Variants in RNF207 observed in about 807,000 individuals in gnomAD.
The protein encoded by RNF207 is OTTHUMG00000001089.
RNF207 carries 72 observed loss-of-function variants against 79.0 expected under a neutral mutation model. That is an observed-to-expected ratio of 0.91 (90% CI 0.75 to 1.11). The LOEUF is 1.11. RNF207 is among the 50% of genes least tolerant of loss of function. The pLI is 0.00. For missense variants in RNF207, 936 were observed against 855.8 expected (o/e 1.09, Z -1.17); for synonymous variants, 348 against 366.2 (o/e 0.95, Z 0.57).
intron 1 of RNF207, 69 bp from the exon 2 acceptor site, chr1:6,206,467 A>C: frequency 8.1e-7 from 1 of 1,237,536 alleles, no homozygotes; most frequent in South Asian, 1.5e-5. Context: ...GCGCCCGGGC[A>C]GAGGGGCCGC....
rs144139448 is a variant in RNF207 at position 6,214,630 on chromosome 1, C to CTTTTTTTTTTTTTTT, written c.1652+1456_1652+1470dup. 5.9e-4 allele frequency among the ~76,000 whole-genome samples: 42 copies of CTTTTTTTTTTTTTTT among 70,660 alleles called. 4 individuals are homozygous for CTTTTTTTTTTTTTTT. Among genetic ancestry groups the CTTTTTTTTTTTTTTT allele is most frequent in the African/African-American group, 2.3e-3 (33 of 14,650 alleles). The allele number at this position is 70,660 out of a possible 152,430, so 46.4% of individuals were successfully genotyped here. ...GTTGGCCAGGCTGGAATATTTCTTT[C>CTTTTTTTTTTTTTTT]TTTTTTTTTTTTTTTTTTTTTTTGA... is the stretch of plus-strand genomic sequence containing the variant. On this transcript the variant is annotated intron_variant, in intron 16 of 17. Coordinates refer to ENST00000377939, the MANE Select transcript of RNF207 (RefSeq NM_207396.3).
chr1:6,212,081 G>A (rs1381358471), intron 13 of RNF207, 28 bp downstream of exon 13: 2 of 1,578,090 alleles, frequency 1.3e-6, no homozygotes, highest in South Asian at 1.1e-5. Flanking sequence ...TGCCGGAGGG[G>A]GGAGATGTCC....
rs1668539355 is a variant in RNF207 at position 6,221,211 on chromosome 1, A to AG, written c.*1805dup. The AG allele has an allele frequency of 6.6e-6, 1 of 152,648 alleles. No homozygotes were observed. Among genetic ancestry groups the AG allele is most frequent in the African/African-American group, 2.4e-5 (1 of 41,468 alleles). The allele number at this position is 152,648 out of a possible 1,614,324, so 9.5% of individuals were successfully genotyped here. A position where few individuals can be genotyped will look rare whatever the true frequency, so the allele number is the denominator to read the frequency against. Reference sequence around the variant, plus strand: ...ACTGTGGTTGAGTGAAATCAAGTGCAGTTTTATTTAAGAACTGGAAAGAAT... The same window carrying AG: ...ACTGTGGTTGAGTGAAATCAAGTGCAGGTTTTATTTAAGAACTGGAAAGAAT... On this transcript the variant is annotated 3_prime_UTR_variant, in exon 18 of 18. Transcript: ENST00000377939.
At chr1:6,215,838 G>A (rs1221427658) in intron 16 of RNF207, among the ~76,000 whole-genome samples, 1 of 152,170 alleles carries the variant, frequency 6.6e-6, no homozygotes, top group African/African-American at 2.4e-5. Flanking sequence ...AGCTTGTGTA[G>A]GTTTCTATCT....
In RNF207 at chr1:6,209,196, A is replaced by C; in HGVS notation, c.551A>C (p.Lys184Thr). The change falls in exon 5 of 18, where the codon AAG becomes ACG. Residue 184 changes from lysine to threonine, a missense_variant and splice_region_variant. By Grantham distance (78) the Lys-to-Thr change is moderately conservative. Transcript: ENST00000377939. Reference sequence around the variant, plus strand: ...ATCCGCTGCTTCCGCGACATGCAGAAGTGCGTACAGGGGACGCGAGGGGAG... The same window carrying C: ...ATCCGCTGCTTCCGCGACATGCAGACGTGCGTACAGGGGACGCGAGGGGAG... ...LCIRCFRDMQ[K>T]ESRAHCVDLE... The C allele has an allele frequency of 6.4e-7, 1 of 1,553,248 alleles. No homozygotes were observed. Among genetic ancestry groups the C allele is most frequent in the South Asian group, 1.2e-5 (1 of 84,470 alleles).
intron 16 of RNF207, among the ~76,000 whole-genome samples, chr1:6,216,486 C>T (rs1457853996): frequency 6.6e-6 from 1 of 152,132 alleles, no homozygotes; most frequent in Non-Finnish European, 1.5e-5. Context: ...TTGCTCCAGT[C>T]GCAGCGAGCC....
chr1:6,212,636 A>G (rs1298475761), intron 14 of RNF207, 46 bp from the exon 15 acceptor site: 3 of 1,557,566 alleles, frequency 1.9e-6, no homozygotes, highest in Admixed American at 3.3e-5. Flanking sequence ...CCGCCACCGT[A>G]AATTCAGCTC....
In RNF207 at chr1:6,209,299, TCGG is replaced by T; in HGVS notation, c.585_587del (p.Ala196del). Reference sequence around the variant, plus strand: ...CCGGGCACACTGCGTGGACCTGGAATCGGCTTACGTGCAGGGCTGCGAGCGGCT... The same window carrying T: ...CCGGGCACACTGCGTGGACCTGGAATCTTACGTGCAGGGCTGCGAGCGGCT... On this transcript the variant is annotated inframe_deletion, in exon 6 of 18. Coordinates refer to ENST00000377939, the MANE Select transcript of RNF207 (RefSeq NM_207396.3). 6.5e-7 allele frequency: 1 copy of T among 1,548,374 alleles called. No individual in the cohort carries two copies. Among genetic ancestry groups the T allele is most frequent in the Non-Finnish European group, 8.7e-7 (1 of 1,146,706 alleles).
rs1169025181 is a variant in RNF207 at position 6,209,402 on chromosome 1, C to T, written c.628-12C>T. 6 of 1,524,190 alleles carry T rather than the reference C, an allele frequency of 3.9e-6. No individual in the cohort carries two copies. In the Admixed American group the frequency reaches 1.0e-4, roughly 26 times the overall value. The allele number at this position is 1,524,190 out of a possible 1,614,324, so 94.4% of individuals were successfully genotyped here. A position where few individuals can be genotyped will look rare whatever the true frequency, so the allele number is the denominator to read the frequency against. On this transcript the variant is annotated splice_polypyrimidine_tract_variant and intron_variant, in intron 6 of 17. Transcript: ENST00000377939. ...GGCGGCGATCGCGAGCCTGACCACG[C>T]CCTGTCCCCAGGCCGTGAAGGCCCT...
intron 8 of RNF207, 94 bp from the exon 9 acceptor site, chr1:6,210,129 A>G: frequency 7.5e-7 from 1 of 1,333,612 alleles, no homozygotes; most frequent in Non-Finnish European, 1.1e-6. Flanking sequence ...GAAGGGGTTC[A>G]GGGACGGACA....
Position 6,207,497 on chromosome 1 carries a change from G to C in RNF207, c.310G>C (p.Glu104Gln). Reference protein sequence around the residue: ...EAVRCANCDLECSEQDVETTY... With the variant: ...EAVRCANCDLQCSEQDVETTY... ...GGTGCGCTGTGCCAACTGTGACCTG[G>C]AGTGCAGCGAGCAGGCAGGGGCGGC... Residue 104 changes from glutamate (E) to glutamine (Q), a missense_variant, in exon 3 of 18, where the codon GAG becomes CAG. Coordinates refer to ENST00000377939, the MANE Select transcript of RNF207 (RefSeq NM_207396.3). The surrounding 1 kb of genome is among the most constrained non-coding windows in gnomAD (Gnocchi z 4.5). 1 of 1,603,954 alleles carries C rather than the reference G, an allele frequency of 6.2e-7. No individual in the cohort carries two copies.
In RNF207 at chr1:6,210,949, G is replaced by C. The variant is rs1425762781; in HGVS notation, c.1011+11G>C. 1.2e-6 allele frequency: 2 copies of C among 1,602,196 alleles called. No homozygotes were observed. Among genetic ancestry groups the C allele is most frequent in the South Asian group, 1.1e-5 (1 of 88,822 alleles). On this transcript the variant is annotated intron_variant, in intron 11 of 17. Coordinates refer to ENST00000377939, the MANE Select transcript of RNF207 (RefSeq NM_207396.3). ...ATTCAGAGCAGCAAGGTGTGCAGTG[G>C]CCTGGGTGGGCCAGGGTCGGGGGCC... is the stretch of plus-strand genomic sequence containing the variant.
At chr1:6,210,753 C>T in intron 10 of RNF207, 117 bp from the exon 11 acceptor site, 2 of 915,834 alleles carry the variant, frequency 2.2e-6, no homozygotes, top group East Asian at 2.6e-5. Context: ...AGGGCTGGCG[C>T]TGCTAAGGGA....
In RNF207 at chr1:6,219,526, T is replaced by G. The variant is rs753524270; in HGVS notation, c.*119T>G. ...TTTTATTTTTGAGATGGAGTTTCGC[T>G]CTGTTGCCCAGGCTGGAGTGTAATG... is the stretch of plus-strand genomic sequence containing the variant. On this transcript the variant is annotated 3_prime_UTR_variant, in exon 18 of 18. Coordinates refer to ENST00000377939, the MANE Select transcript of RNF207 (RefSeq NM_207396.3). 24 of 718,672 alleles carry G rather than the reference T, an allele frequency of 3.3e-5. No homozygotes were observed. Among genetic ancestry groups the G allele is most frequent in the Non-Finnish European group, 4.6e-5 (21 of 457,718 alleles). The allele number at this position is 718,672 out of a possible 1,614,324, so 44.5% of individuals were successfully genotyped here. A position where few individuals can be genotyped will look rare whatever the true frequency, so the allele number is the denominator to read the frequency against.
At chr1:6,209,876 T>A in intron 7 of RNF207, 48 bp from the exon 8 acceptor site, 1 of 1,537,854 alleles carries the variant, frequency 6.5e-7, no homozygotes, top group Non-Finnish European at 8.7e-7. Context: ...TGGTGGGAGG[T>A]GGCAGGGCTG....
intron 17 of RNF207, among the ~76,000 whole-genome samples, chr1:6,218,745 G>C (rs1326719638): frequency 1.3e-5 from 2 of 152,226 alleles, no homozygotes; most frequent in Non-Finnish European, 2.9e-5. Flanking sequence ...ACCTGCCAGA[G>C]GAAGACGGCT....
At chr1:6,213,038 A>T (rs759422748) in intron 15 of RNF207, 28 bp from the exon 16 acceptor site, 2 of 1,438,046 alleles carry the variant, frequency 1.4e-6, no homozygotes, top group African/African-American at 2.8e-5. Context: ...CAGGATTAAG[A>T]CCCCATGCTC....
rs760785220 is a variant in RNF207, at chr1:6,217,710, C to G, written c.1653-579C>G. ...TTGGTCTCTATTGCTCCCCTGAATC[C>G]AGATCATCATGGCCAACCCTCCTAC... On this transcript the variant is annotated intron_variant, in intron 16 of 17. Coordinates refer to ENST00000377939, the MANE Select transcript of RNF207 (RefSeq NM_207396.3). The surrounding 1 kb of genome is among the most constrained non-coding windows in gnomAD (Gnocchi z 4.2). 1.1e-4 allele frequency among the ~76,000 whole-genome samples: 17 copies of G among 152,122 alleles called. No homozygotes were observed. Among genetic ancestry groups the G allele is most frequent in the Non-Finnish European group, 2.2e-4 (15 of 68,038 alleles).
intron 16 of RNF207, among the ~76,000 whole-genome samples, chr1:6,216,423 C>T (rs1429595933): frequency 6.6e-6 from 1 of 152,180 alleles, no homozygotes; most frequent in Admixed American, 6.5e-5. Context: ...CAGTTGCTCC[C>T]TCAACCCACT....
Sources: gnomAD v4.1 joint callset for allele counts (sites outside exome capture counted in the v4.1 genomes callset) on GRCh38, gnomAD v4.1.1 for gene constraint, Gnocchi (gnomAD v3.1) non-coding constraint, MANE v1.5 for transcripts, NCBI Gene and HGNC (gene_info 2026-07-23, HGNC 2026-07-21) for gene names.